Variants in SPG7 observed in about 807,000 individuals in gnomAD.
SPG7 encodes mitochondrial inner membrane m-AAA protease component paraplegin.
A neutral mutation model predicts 81.9 loss-of-function variants in SPG7; 103 were observed. The ratio of observed to expected loss-of-function variants is 1.26; its 90% CI spans 1.07 to 1.48. The LOEUF (loss-of-function observed/expected upper bound fraction) is 1.48, where lower values mean the gene tolerates loss of function less well. Ranked by LOEUF, SPG7 falls within the 40% of genes most tolerant of loss-of-function variation. The probability of loss-of-function intolerance (pLI) is 0.00; values close to 1 mark genes in which losing one functional copy is unlikely to be tolerated. For missense variants in SPG7, 1,241 were observed against 1,087.3 expected, an observed-to-expected ratio of 1.14 and a Z score of -1.99; for synonymous variants, 534 against 444.2, an observed-to-expected ratio of 1.20 and a Z score of -2.54.
intron 11 of SPG7, chr16:89,547,765 A>G (rs964946211): frequency 2.1e-6 from 1 of 471,120 alleles, no homozygotes; most frequent in South Asian, 2.0e-5. Context: ...GGCGCTCACC[A>G]CCACGCCCGG....
intron 3 of SPG7, chr16:89,518,030 T>C (rs2058126704): frequency 6.6e-6 from 1 of 152,258 alleles, no homozygotes; most frequent in African/African-American, 2.4e-5. Flanking sequence ...CCAAATAATC[T>C]TTCTTGTGAG....
intron 9 of SPG7, among the ~76,000 whole-genome samples, chr16:89,534,788 C>T (rs934840545): frequency 6.6e-5 from 10 of 152,262 alleles, no homozygotes; most frequent in Non-Finnish European, 1.3e-4. Flanking sequence ...ACATGGTCTG[C>T]AGGTTCGGAC....
rs1034124468 is a variant in SPG7, at chr16:89,530,167, CAG to C, written c.862-513_862-512del. ...CTTTTTTGTGTGTGTGTGTGTGTGA[CAG>C]AGTCTGGCTCTGTTGCCCAGGCTGG... On this transcript the variant is annotated intron_variant, in intron 6 of 16. Transcript: ENST00000645818. The C allele has an allele frequency of 2.9e-4, 78 of 265,588 alleles. 2 individuals are homozygous for C. In the Middle Eastern group the frequency reaches 9.1e-3, roughly 31 times the overall value. The allele number at this position is 265,588 out of a possible 1,614,324, so 16.5% of individuals were successfully genotyped here.
At chr16:89,516,634 G>A (rs2058100480) in intron 3 of SPG7, among the ~76,000 whole-genome samples, 1 of 151,710 alleles carries the variant, frequency 6.6e-6, no homozygotes, top group African/African-American at 2.4e-5. Context: ...GCCAAGGCGA[G>A]CAGATCACAA....
At chr16:89,554,801 C>G in intron 16 of SPG7, 1 of 525,328 alleles carries the variant, frequency 1.9e-6, no homozygotes, top group Non-Finnish European at 3.4e-6. Flanking sequence ...TGTGCCTCTT[C>G]CTGCCATTAG....
rs74037219 is a variant in SPG7 at position 89,537,369 on chromosome 16, G to A, written c.1324+4733G>A. 6.8e-4 allele frequency: 773 copies of A among 1,134,546 alleles called. 8 individuals are homozygous for A. The African/African-American group carries it at 0.012, about 17-fold the overall frequency. The allele number at this position is 1,134,546 out of a possible 1,614,324, so 70.3% of individuals were successfully genotyped here. ...GGTCCCGGCTCCTGTGCTGGAAAGC[G>A]TTGATGGGGAGCGTCGGCGCTGACC... On this transcript the variant is annotated intron_variant, in intron 9 of 16. Transcript: ENST00000645818.
chr16:89,508,471 T>C lies in SPG7; in HGVS notation c.54T>C (p.Gly18=). Residue 18 remains glycine, a synonymous_variant, in exon 1 of 17, where the codon GGT becomes GGC. Transcript: ENST00000645818. The part of the protein sequence containing the change: ...LRALRRGPGP[G]PRPLWGPGPA... ...CCCTCCGCCGGGGTCCAGGCCCGGGTCCTCGGCCGCTGTGGGGCCCAGGCC... is the reference window on the plus strand; with the variant it reads ...CCCTCCGCCGGGGTCCAGGCCCGGGCCCTCGGCCGCTGTGGGGCCCAGGCC... The C allele has an allele frequency of 6.6e-7, 1 of 1,507,692 alleles. No homozygotes were observed. The highest frequency in any genetic ancestry group is 8.8e-7 in the Non-Finnish European group (1 of 1,135,208). 93.4% of individuals were successfully genotyped at this position (1,507,692 alleles called of 1,614,324 possible). A position where few individuals can be genotyped will look rare whatever the true frequency, so the allele number is the denominator to read the frequency against.
chr16:89,545,325 C>G (rs1264810341), intron 10 of SPG7: 5 of 229,348 alleles, frequency 2.2e-5, no homozygotes, highest in African/African-American at 4.6e-5. Flanking sequence ...TGTTGCTGCC[C>G]TGAGGGAGCA....
chr16:89,537,468 G>A, intron 9 of SPG7: 1 of 1,008,816 alleles, frequency 9.9e-7, no homozygotes, highest in African/African-American at 1.7e-5. Context: ...GGTGGTGGAA[G>A]CAAGACGACG....
At chr16:89,531,614 C>A (rs781101649) in intron 7 of SPG7, 1 of 434,260 alleles carries the variant, frequency 2.3e-6, no homozygotes, top group Non-Finnish European at 4.3e-6. Context: ...TCTCAAGCTA[C>A]GCGCCTGCCT....
At chr16:89,542,592 G>T (rs910577143) in intron 9 of SPG7, among the ~76,000 whole-genome samples, 1 of 152,160 alleles carries the variant, frequency 6.6e-6, no homozygotes, top group African/African-American at 2.4e-5. Context: ...TGAAATTCGG[G>T]AGCGATTTGC....
intron 16 of SPG7, chr16:89,555,472 G>A (rs1022996742): frequency 6.1e-6 from 1 of 163,022 alleles, no homozygotes; most frequent in Non-Finnish European, 1.3e-5. Context: ...CCATGGGGCA[G>A]TCCTCCCACC....
At chr16:89,511,922 A>ATTG (rs2058028894) in intron 2 of SPG7, among the ~76,000 whole-genome samples, 1 of 150,622 alleles carries the variant, frequency 6.6e-6, no homozygotes, top group South Asian at 2.1e-4. Flanking sequence ...GTTTATTATT[A>ATTG]TTTTTTTGAG....
At chr16:89,530,656 T>A (rs763013501) in intron 6 of SPG7, 27 bp from the exon 7 acceptor site, 1 of 1,614,044 alleles carries the variant, frequency 6.2e-7, no homozygotes, top group Admixed American at 1.7e-5. Flanking sequence ...TTCGCCCAGC[T>A]CCTTGCACTT....
intron 13 of SPG7, chr16:89,552,748 T>G (rs2058648875): frequency 1.8e-6 from 1 of 568,278 alleles, no homozygotes; most frequent in African/African-American, 1.9e-5. Flanking sequence ...TCTAGTCATG[T>G]ATGAGAAGAC....
chr16:89,546,952 C>A (rs1053376906), intron 11 of SPG7, 192 bp downstream of exon 11: 1 of 596,998 alleles, frequency 1.7e-6, no homozygotes, highest in Non-Finnish European at 3.1e-6. Context: ...ACCCGCACTC[C>A]GTCCTCCGCC....
At chr16:89,509,777 T>G (rs1040307322) in intron 1 of SPG7, among the ~76,000 whole-genome samples, 1 of 148,170 alleles carries the variant, frequency 6.7e-6, no homozygotes, top group African/African-American at 2.5e-5. Flanking sequence ...TTCTGTGTTT[T>G]GTTTTCTTCT....
chr16:89,552,079 C>T (rs578163934), intron 13 of SPG7: 1 of 151,914 alleles, frequency 6.6e-6, no homozygotes, highest in East Asian at 1.9e-4. Flanking sequence ...TGTTTTGAGA[C>T]AGGGTCTCTC....
At position 89,513,096 on chromosome 16, in the gene SPG7, T is replaced by C. The variant is rs993077469; in HGVS notation, c.376+59T>C. The C allele has an allele frequency of 1.5e-4, 240 of 1,548,996 alleles. 1 individual carries two copies. The highest frequency in any genetic ancestry group is 3.1e-5 in the Non-Finnish European group (36 of 1,143,996). Reference sequence around the variant, plus strand: ...GCCTCTGGATGTCTTTACATTTCTGTTTTCCTTTTAGCAAGGTGAAACCAG... The same window carrying C: ...GCCTCTGGATGTCTTTACATTTCTGCTTTCCTTTTAGCAAGGTGAAACCAG... On this transcript the variant is annotated intron_variant, in intron 3 of 16. Coordinates refer to ENST00000645818, the MANE Select transcript of SPG7 (RefSeq NM_003119.4).
Sources: allele counts gnomAD v4.1 joint callset (sites outside exome capture counted in the v4.1 genomes callset), GRCh38; gene constraint gnomAD v4.1.1; transcripts MANE v1.5; gene names NCBI Gene and HGNC (gene_info 2026-07-23, HGNC 2026-07-21).